Variants in SYT14 observed in about 807,000 individuals in gnomAD.
SYT14 encodes synaptotagmin-14.
SYT14 carries 32 observed loss-of-function variants against 74.2 expected under a neutral mutation model. That is an observed-to-expected ratio of 0.43 (90% confidence interval 0.33 to 0.58). The LOEUF (loss-of-function observed/expected upper bound fraction) is 0.58. Among genes scored for constraint, SYT14 ranks in the 20% least tolerant of loss-of-function variants. The probability of loss-of-function intolerance (pLI) is 0.05; values close to 1 mark genes in which losing one functional copy is unlikely to be tolerated. For missense variants in SYT14, 791 were observed against 981.8 expected (o/e 0.81, Z 2.60); for synonymous variants, 298 against 337.7 (o/e 0.88, Z 1.29).
chr1:209,941,040 T>G (rs1347441439), intron 1 of SYT14, among the ~76,000 whole-genome samples: 1 of 152,220 alleles, frequency 6.6e-6, no homozygotes, highest in Admixed American at 6.5e-5. Context: ...ACCAATGTTT[T>G]GAACTGAACA....
chr1:210,046,686 G>C lies in SYT14; in HGVS notation c.1312+25432G>C, dbSNP rs1339554440. On this transcript the variant is annotated intron_variant, in intron 5 of 9. Coordinates refer to ENST00000637265, the Ensembl canonical transcript of SYT14. ...TGAGGTTCATCTGTAGACTTAGCAGGGTCAGTATTTCCTTTTTATTACTGA... is the reference window on the plus strand; with the variant it reads ...TGAGGTTCATCTGTAGACTTAGCAGCGTCAGTATTTCCTTTTTATTACTGA... Among the ~76,000 whole-genome samples the C allele has an allele frequency of 2.0e-5, 3 of 152,086 alleles. No homozygotes were observed. The East Asian group carries it at 5.8e-4, about 29-fold the overall frequency.
At chr1:209,963,280 T>C (rs551615753) in intron 2 of SYT14, among the ~76,000 whole-genome samples, 5 of 152,252 alleles carry the variant, frequency 3.3e-5, no homozygotes, top group South Asian at 2.1e-4. Flanking sequence ...CCTGACAGAA[T>C]TGGTGTCATA....
At chr1:210,093,451 TGGAC>T (rs2081913522) in intron 5 of SYT14, among the ~76,000 whole-genome samples, 2 of 152,234 alleles carry the variant, frequency 1.3e-5, no homozygotes, top group South Asian at 2.1e-4. Context: ...AATTATTTAC[TGGAC>T]TCTGTTTCCT....
intron 7 of SYT14, among the ~76,000 whole-genome samples, chr1:210,141,484 T>G (rs929112354): frequency 3.3e-5 from 5 of 152,244 alleles, no homozygotes; most frequent in Non-Finnish European, 7.3e-5. Flanking sequence ...CATCTGTGAA[T>G]AGAGGTAGTT....
chr1:209,992,594 T>C (rs751221164), intron 2 of SYT14, among the ~76,000 whole-genome samples: 1 of 152,182 alleles, frequency 6.6e-6, no homozygotes, highest in Admixed American at 6.5e-5. Context: ...TGTATACTTA[T>C]TCTGGTGATG....
At chr1:210,067,350 TA>T (rs1489185310) in intron 5 of SYT14, among the ~76,000 whole-genome samples, 1 of 152,184 alleles carries the variant, frequency 6.6e-6, no homozygotes, top group African/African-American at 2.4e-5. Flanking sequence ...CTGAGATCCT[TA>T]TGGAGATTGT....
intron 7 of SYT14, among the ~76,000 whole-genome samples, chr1:210,129,602 T>C (rs962390679): frequency 6.6e-6 from 1 of 152,232 alleles, no homozygotes; most frequent in Non-Finnish European, 1.5e-5. Context: ...TTAAACTTTC[T>C]TGATAATAAT....
intron 5 of SYT14, among the ~76,000 whole-genome samples, chr1:210,058,205 C>T (rs558543581): frequency 3.3e-5 from 5 of 152,112 alleles, no homozygotes; most frequent in African/African-American, 4.8e-5. Context: ...GACTTCCCTA[C>T]GTATTTATTA....
chr1:209,979,551 A>G (rs1446393794), intron 2 of SYT14, among the ~76,000 whole-genome samples: 2 of 152,044 alleles, frequency 1.3e-5, no homozygotes, highest in Non-Finnish European at 2.9e-5. Context: ...CCCATCAACT[A>G]GGTATTAAGC....
chr1:210,116,199 G>C lies in SYT14; in HGVS notation c.2034+15738G>C, dbSNP rs2082357756. On this transcript the variant is annotated intron_variant, in intron 7 of 9. Coordinates refer to ENST00000637265, the Ensembl canonical transcript of SYT14. The stretch of plus-strand genomic sequence containing the variant: ...GTATATGTGCAGGCTTGGGCCCAGA[G>C]GCCTGACACTAATTATTGCTGTATA... 2.0e-5 allele frequency among the ~76,000 whole-genome samples: 3 copies of C among 152,148 alleles called. No individual in the cohort carries two copies. The South Asian group carries it at 6.2e-4, about 32-fold the overall frequency.
intron 7 of SYT14, among the ~76,000 whole-genome samples, chr1:210,128,814 A>G (rs1227407083): frequency 6.6e-6 from 1 of 152,240 alleles, no homozygotes; most frequent in Non-Finnish European, 1.5e-5. Context: ...AGTAGCATAC[A>G]CTAAAATATC....
rs769873301 is a variant in SYT14 at position 210,107,576 on chromosome 1, A to G, written c.2034+7115A>G. Among the ~76,000 whole-genome samples the G allele has an allele frequency of 3.4e-4, 51 of 152,206 alleles. 2 individuals are homozygous for G. The highest frequency in any genetic ancestry group is 2.0e-4 in the Admixed American group (3 of 15,276). On this transcript the variant is annotated intron_variant, in intron 7 of 9. Transcript: ENST00000637265. ...GATGGGAAGAAATGTAAGAATGCTA[A>G]TATGCTAATGTAGTTAAGAAAAATG...
intron 5 of SYT14, among the ~76,000 whole-genome samples, chr1:210,048,845 TC>T (rs1404706947): frequency 6.6e-6 from 1 of 152,214 alleles, no homozygotes; most frequent in East Asian, 1.9e-4. Flanking sequence ...GTTAGTTACT[TC>T]CTAGATACAA....
chr1:210,144,156 T>G (rs1056995374), intron 7 of SYT14, among the ~76,000 whole-genome samples: 1 of 152,204 alleles, frequency 6.6e-6, no homozygotes, highest in Non-Finnish European at 1.5e-5. Context: ...GTATTTCTTT[T>G]GTTTTAATTA....
chr1:210,045,335 T>C (rs77472594), intron 5 of SYT14, among the ~76,000 whole-genome samples: 2,757 of 152,314 alleles, frequency 0.018, 33 homozygotes, highest in Non-Finnish European at 0.03. Flanking sequence ...GTAAAAAATA[T>C]ATGAGATGCT....
At chr1:209,978,721 C>G (rs2102787837) in intron 2 of SYT14, among the ~76,000 whole-genome samples, 1 of 152,350 alleles carries the variant, frequency 6.6e-6, no homozygotes. Context: ...AACCACTACT[C>G]TCTTCAAAGC....
At chr1:210,082,311 A>G (rs1387991123) in intron 5 of SYT14, among the ~76,000 whole-genome samples, 1 of 152,204 alleles carries the variant, frequency 6.6e-6, no homozygotes, top group African/African-American at 2.4e-5. Flanking sequence ...ATTGGCAGCT[A>G]GGAAATAATG....
intron 5 of SYT14, among the ~76,000 whole-genome samples, chr1:210,093,047 CA>C (rs1452510331): frequency 2.0e-5 from 3 of 151,856 alleles, no homozygotes; most frequent in Non-Finnish European, 2.9e-5. Flanking sequence ...ACCAGTTCCC[CA>C]CATATATTGA....
chr1:210,134,324 CT>C (rs1181197817), intron 7 of SYT14, among the ~76,000 whole-genome samples: 8 of 152,084 alleles, frequency 5.3e-5, no homozygotes, highest in African/African-American at 1.7e-4. Context: ...CAGGGCTCAT[CT>C]TGAACTCCTG....
Sources: allele counts gnomAD v4.1 joint callset (sites outside exome capture counted in the v4.1 genomes callset), GRCh38; gene constraint gnomAD v4.1.1; transcripts MANE v1.5; gene names NCBI Gene and HGNC (gene_info 2026-07-23, HGNC 2026-07-21).